TRPM3: variants seen among roughly 807,000 people sequenced by gnomAD.
TRPM3 encodes transient receptor potential cation channel subfamily M member 3, also known as long transient receptor potential channel 3.
A neutral mutation model predicts 181.2 loss-of-function variants in TRPM3; 77 were observed. The observed-to-expected ratio is 0.42, with a 90% CI of 0.35 to 0.51. The LOEUF (loss-of-function observed/expected upper bound fraction) is 0.51. Among genes scored for constraint, TRPM3 ranks in the 20% least tolerant of loss-of-function variants. TRPM3 has a pLI of 0.01. For missense variants in TRPM3, 1,759 were observed against 2,196.7 expected, an observed-to-expected ratio of 0.80 and a Z score of 3.98; for synonymous variants, 745 against 796.4, an observed-to-expected ratio of 0.94 and a Z score of 1.09.
chr9:70,599,895 C>T (rs1299468147), intron 20 of TRPM3, among the ~76,000 whole-genome samples: 1 of 152,198 alleles, frequency 6.6e-6, no homozygotes, highest in Non-Finnish European at 1.5e-5. Context: ...ATTTATTCAT[C>T]TGTCCATCCA....
At chr9:71,150,995 TGAG>T (rs2075705309) in intron 1 of TRPM3, among the ~76,000 whole-genome samples, 1 of 152,162 alleles carries the variant, frequency 6.6e-6, no homozygotes, top group Non-Finnish European at 1.5e-5. Flanking sequence ...TAAATGGTGT[TGAG>T]ATGACTGGGA....
intron 1 of TRPM3, among the ~76,000 whole-genome samples, chr9:70,889,850 T>C (rs2132825873): frequency 6.6e-6 from 1 of 151,178 alleles, no homozygotes; most frequent in Middle Eastern, 3.5e-3. Flanking sequence ...TACAGAAAAG[T>C]ATAGTAAAAA....
chr9:71,123,284 G>T (rs965910096), upstream of TRPM3, among the ~76,000 whole-genome samples: 2 of 152,116 alleles, frequency 1.3e-5, no homozygotes, highest in African/African-American at 4.8e-5. Flanking sequence ...TATTACTTTG[G>T]TCTGATGTTG....
At chr9:70,921,104 T>C (rs1017701592) in intron 1 of TRPM3, among the ~76,000 whole-genome samples, 1 of 152,222 alleles carries the variant, frequency 6.6e-6, no homozygotes, top group Non-Finnish European at 1.5e-5. Flanking sequence ...ATTTATCTCA[T>C]GCTCACGTCC....
intron 3 of TRPM3, among the ~76,000 whole-genome samples, chr9:70,859,954 T>C (rs1386377031): frequency 6.6e-6 from 1 of 152,150 alleles, no homozygotes; most frequent in Non-Finnish European, 1.5e-5. Flanking sequence ...CCCACCCTCC[T>C]GCCAGTGCCT....
chr9:71,421,642 C>T (rs1265485727), intron 1 of TRPM3, among the ~76,000 whole-genome samples: 5 of 151,884 alleles, frequency 3.3e-5, no homozygotes, highest in Admixed American at 3.3e-4. Flanking sequence ...CTAGTGCAGA[C>T]ATCATAGGGT....
chr9:71,112,058 G>A (rs73480167), intron 1 of TRPM3, among the ~76,000 whole-genome samples: 4,967 of 152,034 alleles, frequency 0.033, 283 homozygotes, highest in African/African-American at 0.11. Context: ...ACCTTCAAAC[G>A]GAAACACCAA....
chr9:70,948,117 A>ATTTTTTT (rs5898171), intron 1 of TRPM3, among the ~76,000 whole-genome samples: 3 of 143,756 alleles, frequency 2.1e-5, no homozygotes, highest in Non-Finnish European at 3.0e-5. Flanking sequence ...TGAAAAGCCA[A>ATTTTTTT]TTTTTTTTTT....
At chr9:71,138,543 C>CT (rs200656276) in intron 1 of TRPM3, among the ~76,000 whole-genome samples, 5 of 150,158 alleles carry the variant, frequency 3.3e-5, no homozygotes, top group South Asian at 2.1e-4. Flanking sequence ...TCTCCTTTTT[C>CT]TTTTTTTTTC....
intron 1 of TRPM3, among the ~76,000 whole-genome samples, chr9:71,408,930 A>G (rs1403517734): frequency 6.6e-6 from 1 of 152,224 alleles, no homozygotes; most frequent in South Asian, 2.1e-4. Context: ...ACAAGCCAAA[A>G]AAGAGTGGGG....
chr9:71,161,383 C>CTTG (rs1445878419), intron 1 of TRPM3, among the ~76,000 whole-genome samples: 4 of 152,144 alleles, frequency 2.6e-5, no homozygotes, highest in Non-Finnish European at 4.4e-5. Flanking sequence ...ACGCCCTGAA[C>CTTG]TTGCAGTCAA....
intron 8 of TRPM3, among the ~76,000 whole-genome samples, chr9:70,682,593 T>C (rs1468819519): frequency 6.6e-6 from 1 of 151,926 alleles, no homozygotes; most frequent in Admixed American, 6.6e-5. Context: ...CATAATGGAG[T>C]ATCATTTTGT....
At chr9:71,428,050 G>T (rs74790621) in intron 1 of TRPM3, among the ~76,000 whole-genome samples, 3 of 152,208 alleles carry the variant, frequency 2.0e-5, no homozygotes, top group East Asian at 3.9e-4. Context: ...CACAGGCATG[G>T]TATAGTCCAT....
At chr9:70,751,263 A>T (rs2076090143) in intron 8 of TRPM3, among the ~76,000 whole-genome samples, 1 of 152,178 alleles carries the variant, frequency 6.6e-6, no homozygotes, top group East Asian at 1.9e-4. Context: ...GTACGAACTA[A>T]AAGAAGTTGA....
At chr9:70,575,527 A>T (rs1376547875) in intron 22 of TRPM3, among the ~76,000 whole-genome samples, 2 of 152,096 alleles carry the variant, frequency 1.3e-5, no homozygotes, top group East Asian at 3.9e-4. Flanking sequence ...TTTTCCTTGA[A>T]TACATCCCAC....
At chr9:70,693,898 G>A (rs2069360225) in intron 8 of TRPM3, among the ~76,000 whole-genome samples, 1 of 152,218 alleles carries the variant, frequency 6.6e-6, no homozygotes, top group African/African-American at 2.4e-5. Flanking sequence ...GATTACTTTA[G>A]GAAAAGATAC....
chr9:71,287,527 G>A lies in TRPM3; in HGVS notation c.183+159126C>T, dbSNP rs112799886. 7.9e-5 allele frequency among the ~76,000 whole-genome samples: 12 copies of A among 151,882 alleles called. No individual in the cohort carries two copies. The South Asian group carries it at 2.3e-3, about 29-fold the overall frequency. On this transcript the variant is annotated intron_variant, in intron 1 of 24. Transcript: ENST00000357533. ...TCAGGAAAGTGGAAATATTACTAGC[G>A]TAGGCTCTCAGTTTGGAGGGTACAG...
At chr9:71,010,407 A>AAAC (rs926353679) in intron 1 of TRPM3, among the ~76,000 whole-genome samples, 19 of 152,062 alleles carry the variant, frequency 1.2e-4, no homozygotes, top group Admixed American at 6.6e-5. Flanking sequence ...CAAAAAAACA[A>AAAC]AACAACAACA....
chr9:70,605,639 T>A (rs1182731296), intron 19 of TRPM3, among the ~76,000 whole-genome samples: 2 of 152,332 alleles, frequency 1.3e-5, no homozygotes, highest in East Asian at 3.9e-4. Context: ...TATTATACAC[T>A]GGCATTAATT....
Sources: gnomAD v4.1 joint callset for allele counts (sites outside exome capture counted in the v4.1 genomes callset) on GRCh38, gnomAD v4.1.1 for gene constraint, MANE v1.5 for transcripts, NCBI Gene and HGNC (gene_info 2026-07-23, HGNC 2026-07-21) for gene names.